The following CACNA1S variants were observed in gnomAD, a reference collection of about 807,000 sequenced individuals.
CACNA1S encodes the protein voltage-dependent L-type calcium channel subunit alpha-1S.
Under a neutral mutation model 207.4 loss-of-function variants are expected in CACNA1S, and 126 were observed. The observed-to-expected ratio is 0.61, with a 90% CI of 0.53 to 0.70. CACNA1S has a LOEUF of 0.70. CACNA1S is among the 30% of genes least tolerant of loss of function. The pLI is 0.00. For synonymous variants in CACNA1S, 960 were observed against 932.7 expected (o/e 1.03, Z -0.53); for missense variants, 2,349 against 2,422.8 (o/e 0.97, Z 0.64).
chr1:201,081,874 A>G (rs1485973698), intron 10 of CACNA1S, among the ~76,000 whole-genome samples: 1 of 152,080 alleles, frequency 6.6e-6, no homozygotes, highest in Admixed American at 6.6e-5. Context: ...TCGCCATGTG[A>G]CATGCCTGCC....
At chr1:201,061,234 C>G in intron 25 of CACNA1S, 33 bp downstream of exon 25, 1 of 1,598,022 alleles carries the variant, frequency 6.3e-7, no homozygotes, top group Non-Finnish European at 8.6e-7. Flanking sequence ...TGCTGGAGCT[C>G]TGCCCTCCAC....
At position 201,075,586 on chromosome 1, in the gene CACNA1S, C is replaced by A. The variant is rs2102140257; in HGVS notation, c.1857G>T (p.Met619Ile). The A allele has an allele frequency of 1.9e-6, 3 of 1,614,160 alleles. No individual in the cohort carries two copies. The highest frequency in any genetic ancestry group is 4.5e-5 in the East Asian group (2 of 44,882). The change falls in exon 13 of 44, where the codon ATG becomes ATT. Residue 619 changes from methionine to isoleucine, a missense_variant. By Grantham distance (10) the Met-to-Ile change is conservative. Coordinates refer to ENST00000362061, the MANE Select transcript of CACNA1S (RefSeq NM_000069.3). ...CGTAGGCCATGATCCCATTGTACATCATTGAGGTCCAGTCTTCCCCTGTCA... is the reference window on the plus strand; with the variant it reads ...CGTAGGCCATGATCCCATTGTACATAATTGAGGTCCAGTCTTCCCCTGTCA... ...QVLTGEDWTS[M>I]MYNGIMAYGG...
intron 41 of CACNA1S, among the ~76,000 whole-genome samples, chr1:201,040,922 C>T (rs1660156685): frequency 1.3e-5 from 2 of 152,156 alleles, no homozygotes; most frequent in South Asian, 2.1e-4. Context: ...TGGCCCTGGT[C>T]GCTGTTCTTG....
chr1:201,070,041 GA>G (rs1281328342), intron 17 of CACNA1S, among the ~76,000 whole-genome samples: 1 of 152,206 alleles, frequency 6.6e-6, no homozygotes, highest in Non-Finnish European at 1.5e-5. Flanking sequence ...TCTTCTCTCA[GA>G]AAGGAACCAA....
intron 33 of CACNA1S, 69 bp from the exon 34 acceptor site, chr1:201,050,585 G>T (rs555890443): frequency 1.7e-5 from 27 of 1,595,244 alleles, no homozygotes; most frequent in Non-Finnish European, 2.3e-5. Flanking sequence ...TGGGGGAGCT[G>T]GGAGGTGTCC....
Position 201,041,557 on chromosome 1 carries a change from G to A in CACNA1S, c.5081C>T (p.Thr1694Ile). 1 of 1,614,120 alleles carries A rather than the reference G, an allele frequency of 6.2e-7. No individual in the cohort carries two copies. The highest frequency in any genetic ancestry group is 8.5e-7 in the Non-Finnish European group (1 of 1,179,954). Reference protein sequence around the residue: ...VHYEREFPEETETPATRGRAL... With the variant: ...VHYEREFPEEIETPATRGRAL... ...TCGTCCTCTGGTAGCAGGCGTCTCT[G>A]TCTCTTCTGGGAACTCCCTTTCATA... is the stretch of plus-strand genomic sequence containing the variant. The change falls in exon 41 of 44, where the codon ACA becomes ATA. Residue 1694 changes from threonine (T) to isoleucine (I), a missense_variant. Physicochemically the swap from Thr to Ile is moderately conservative, Grantham distance 89 (BLOSUM62 -1). Transcript: ENST00000362061.
Position 201,069,582 on chromosome 1 carries a change from G to A in CACNA1S, c.2380C>T (p.Arg794Cys), listed in dbSNP as rs373328930. ...PTNKIRVLCH[R>C]IVNATWFTNF... The stretch of plus-strand genomic sequence containing the variant: ...GTAAACCAGGTGGCATTGACGATGC[G>A]GTGACACAGGACACGGATCCTGGTG... Residue 794 changes from arginine (R) to cysteine (C), a missense_variant, in exon 18 of 44, where the codon CGC becomes TGC. Transcript: ENST00000362061. 77 of 1,558,726 alleles carry A rather than the reference G, an allele frequency of 4.9e-5. No individual in the cohort carries two copies. The highest frequency in any genetic ancestry group is 1.2e-4 in the East Asian group (5 of 42,294).
At chr1:201,093,353 C>A (rs1662308654) in intron 3 of CACNA1S, among the ~76,000 whole-genome samples, 1 of 152,222 alleles carries the variant, frequency 6.6e-6, no homozygotes, top group South Asian at 2.1e-4. Flanking sequence ...TGAACCCAAA[C>A]CTGCCAGCAT....
intron 35 of CACNA1S, 31 bp downstream of exon 35, chr1:201,048,972 G>T (rs771935404): frequency 1.7e-5 from 27 of 1,558,248 alleles, no homozygotes; most frequent in Non-Finnish European, 2.2e-5. Context: ...TCCCCTCCCT[G>T]GGGCCACCCA....
At chr1:201,040,746 C>A (rs376317785) in intron 41 of CACNA1S, 33 bp from the exon 42 acceptor site, 3 of 1,552,046 alleles carry the variant, frequency 1.9e-6, no homozygotes, top group Non-Finnish European at 2.7e-6. Context: ...ATAAGAGGGG[C>A]TGCTGACTCC....
Position 201,076,934 on chromosome 1 carries a change from T to C in CACNA1S, c.1813A>G (p.Ile605Val), listed in dbSNP as rs550246898. Residue 605 changes from isoleucine to valine, a missense_variant, in exon 12 of 44, where the codon ATC (isoleucine) becomes GTC (valine). Ile to Val is a conservative substitution (Grantham distance 29). Coordinates refer to ENST00000362061, the MANE Select transcript of CACNA1S (RefSeq NM_000069.3). Reference protein sequence around the residue: ...SNFDNFPQALISVFQVLTGED... With the variant: ...SNFDNFPQALVSVFQVLTGED... ...GGAGAGCCTACCTGGAAGACGCTGATGAGGGCTTGGGGAAAGTTGTCAAAG... is the reference window on the plus strand; with the variant it reads ...GGAGAGCCTACCTGGAAGACGCTGACGAGGGCTTGGGGAAAGTTGTCAAAG... 2.5e-5 allele frequency: 41 copies of C among 1,614,174 alleles called. 2 individuals are homozygous for C. The South Asian group carries it at 4.4e-4, about 17-fold the overall frequency.
At chr1:201,089,191 C>T (rs1252217898) in intron 6 of CACNA1S, 67 bp downstream of exon 6, 3 of 1,509,562 alleles carry the variant, frequency 2.0e-6, no homozygotes, top group African/African-American at 1.4e-5. Context: ...GCAAGCCCTC[C>T]CTCCCCACTC....
Position 201,094,004 on chromosome 1 carries a change from GA to G in CACNA1S, c.275del (p.Phe92SerfsTer12). On this transcript the variant is annotated frameshift_variant, in exon 3 of 44. Coordinates refer to ENST00000362061, the MANE Select transcript of CACNA1S (RefSeq NM_000069.3). LOFTEE classifies it high-confidence loss of function. ...LNLGLEKLEY[F>X]FLIVFSIEAA... Reference sequence around the variant, plus strand: ...CTTCAATCGAGAAGACAATGAGGAAGAAATACTCCAGCTTCTCCTGTGGGAG... The same window carrying G: ...CTTCAATCGAGAAGACAATGAGGAAGAATACTCCAGCTTCTCCTGTGGGAG... The G allele has an allele frequency of 6.2e-7, 1 of 1,614,212 alleles. No individual in the cohort carries two copies. The highest frequency in any genetic ancestry group is 8.5e-7 in the Non-Finnish European group (1 of 1,180,036).
chr1:201,075,618 GTA>G lies in CACNA1S; in HGVS notation c.1828-5_1828-4del, dbSNP rs1661585018. ...GTCCAGTCTTCCCCTGTCAGTACCT[GTA>G]TGGAGGGAGGATAGAGGGCTCGGGA... On this transcript the variant is annotated splice_polypyrimidine_tract_variant and splice_region_variant and intron_variant, in intron 12 of 43. Transcript: ENST00000362061. 4 of 1,613,944 alleles carry G rather than the reference GTA, an allele frequency of 2.5e-6. No individual in the cohort carries two copies. Among genetic ancestry groups the G allele is most frequent in the Non-Finnish European group, 3.4e-6 (4 of 1,179,902 alleles).
chr1:201,082,029 AT>A (rs754037624), intron 10 of CACNA1S, among the ~76,000 whole-genome samples: 1,537 of 126,718 alleles, frequency 0.012, 11 homozygotes, highest in African/African-American at 0.014. Flanking sequence ...TCTCAGGTGC[AT>A]TTTTTTTTTT....
chr1:201,060,913 T>C, intron 25 of CACNA1S, 97 bp from the exon 26 acceptor site: 1 of 1,457,380 alleles, frequency 6.9e-7, no homozygotes, highest in Non-Finnish European at 9.6e-7. Flanking sequence ...CAGGAGCAGC[T>C]GTGGCCAGGG....
At chr1:201,106,415 C>T (rs934017465) in intron 2 of CACNA1S, among the ~76,000 whole-genome samples, 3 of 152,044 alleles carry the variant, frequency 2.0e-5, no homozygotes, top group African/African-American at 7.2e-5. Context: ...TGCCTCCAGC[C>T]CTTTGCCCAC....
At chr1:201,107,354 C>A (rs1164738732) in intron 2 of CACNA1S, among the ~76,000 whole-genome samples, 1 of 152,182 alleles carries the variant, frequency 6.6e-6, no homozygotes, top group African/African-American at 2.4e-5. Context: ...TCAAGACTAG[C>A]TTAGGTTCTC....
rs553619980 is a variant in CACNA1S, at chr1:201,069,494, C to T, written c.2468G>A (p.Arg823Gln). ...CACCTGATTTCTCATGGAATCAGCC[C>T]GGATGGGGTCTTCCGCAGCCAGTGC... ...SAALAAEDPI[R>Q]ADSMRNQILK... is the part of the protein sequence containing the mutation. Residue 823 changes from arginine (R) to glutamine (Q), a missense_variant, in exon 18 of 44, where the codon CGG (arginine) becomes CAG (glutamine). By Grantham distance (43) the Arg-to-Gln change is conservative. Transcript: ENST00000362061. The T allele has an allele frequency of 3.1e-5, 50 of 1,602,084 alleles. No individual in the cohort carries two copies. Among genetic ancestry groups the T allele is most frequent in the African/African-American group, 2.4e-4 (18 of 74,994 alleles).
Sources: gnomAD v4.1 joint callset for allele counts (sites outside exome capture counted in the v4.1 genomes callset) on GRCh38, gnomAD v4.1.1 for gene constraint, MANE v1.5 for transcripts, NCBI Gene and HGNC (gene_info 2026-07-23, HGNC 2026-07-21) for gene names.